Variants in ABHD2 observed in about 807,000 individuals in gnomAD.
The protein encoded by ABHD2 is monoacylglycerol lipase ABHD2.
ABHD2 carries 20 observed loss-of-function variants against 48.1 expected under a neutral mutation model. The observed-to-expected ratio is 0.42, with a 90% CI of 0.29 to 0.60. The LOEUF (loss-of-function observed/expected upper bound fraction) is 0.60. Among genes scored for constraint, ABHD2 ranks in the 20% least tolerant of loss-of-function variants. The probability of loss-of-function intolerance (pLI) is 0.24; values close to 1 mark genes in which losing one functional copy is unlikely to be tolerated. For synonymous variants in ABHD2, 209 were observed against 214.2 expected, an observed-to-expected ratio of 0.98 and a Z score of 0.21; for missense variants, 405 against 550.9, an observed-to-expected ratio of 0.74 and a Z score of 2.65.
At chr15:89,143,502 T>C (rs193143999) in intron 3 of ABHD2, among the ~76,000 whole-genome samples, 1 of 152,142 alleles carries the variant, frequency 6.6e-6, no homozygotes, top group Admixed American at 6.5e-5. Context: ...ACCCCGTCTG[T>C]ACTAAAAATA....
chr15:89,165,908 G>A (rs145638501), intron 5 of ABHD2, among the ~76,000 whole-genome samples: 220 of 152,298 alleles, frequency 1.4e-3, no homozygotes, highest in Middle Eastern at 6.8e-3. Context: ...CTCTTTGGCC[G>A]AGTGCCTTAT....
At chr15:89,089,024 T>TG (rs991199621) in intron 1 of ABHD2, among the ~76,000 whole-genome samples, 1 of 152,136 alleles carries the variant, frequency 6.6e-6, no homozygotes, top group African/African-American at 2.4e-5. Context: ...GCAGGACCAG[T>TG]GGGTTTAAGT....
the ABHD2 span, among the ~76,000 whole-genome samples, chr15:89,048,777 G>A: frequency 1.1e-4 from 17 of 152,060 alleles, no homozygotes; most frequent in Non-Finnish European, 2.4e-4. Flanking sequence ...CTCTGTATTA[G>A]TTATTCTAGT....
intron 6 of ABHD2, chr15:89,183,378 A>AT (rs1201272467): frequency 1.3e-4 from 8 of 59,540 alleles, no homozygotes; most frequent in South Asian, 5.2e-4. Flanking sequence ...CAAAAAAAAA[A>AT]AAAAAAATAT....
intron 3 of ABHD2, among the ~76,000 whole-genome samples, chr15:89,127,728 T>TATATATATATAC (rs1567080129): frequency 1.4e-5 from 2 of 144,632 alleles, no homozygotes; most frequent in African/African-American, 5.3e-5. Flanking sequence ...TACACATATA[T>TATATATATATAC]ATATATATAT....
the ABHD2 span, among the ~76,000 whole-genome samples, chr15:89,068,077 C>T: frequency 2.6e-5 from 4 of 152,062 alleles, no homozygotes. Context: ...GTTTTTCTCC[C>T]CTACAGGACT....
Position 89,155,259 on chromosome 15 carries a change from G to A in ABHD2, c.371-108G>A, listed in dbSNP as rs2150894217. 8.1e-7 allele frequency: 1 copy of A among 1,229,514 alleles called. No homozygotes were observed. Among genetic ancestry groups the A allele is most frequent in the East Asian group, 2.4e-5 (1 of 42,158 alleles). 76.2% of individuals were successfully genotyped at this position (1,229,514 alleles called of 1,614,324 possible). ...TTCCCCAGAGAACTGAGTGAAAGAT[G>A]TATGTTGAATTCCCTCCCCTTGTTT... On this transcript the variant is annotated intron_variant, in intron 4 of 10. Transcript: ENST00000352732. The surrounding 1 kb of genome is among the most constrained non-coding windows in gnomAD (Gnocchi z 4.9).
At chr15:89,096,454 A>T (rs1198361036) in intron 1 of ABHD2, among the ~76,000 whole-genome samples, 3 of 152,248 alleles carry the variant, frequency 2.0e-5, no homozygotes, top group African/African-American at 7.2e-5. Context: ...AACCAGGGGC[A>T]TCTGGCAGGA....
intron 3 of ABHD2, among the ~76,000 whole-genome samples, chr15:89,142,946 T>C (rs1301309452): frequency 6.6e-6 from 1 of 152,208 alleles, no homozygotes; most frequent in East Asian, 1.9e-4. Flanking sequence ...AAAGAATTTT[T>C]CTTTGGGAAA....
chr15:89,069,986 T>C, the ABHD2 span: 2 of 152,110 alleles, frequency 1.3e-5, no homozygotes, highest in Non-Finnish European at 2.9e-5. Context: ...TGCTATTTAC[T>C]CTTGTATCAT....
the ABHD2 span, among the ~76,000 whole-genome samples, chr15:89,063,282 C>G: frequency 6.6e-6 from 1 of 151,246 alleles, no homozygotes; most frequent in East Asian, 1.9e-4. Flanking sequence ...ATTGCTGCTT[C>G]TTGATAGAGT....
At chr15:89,083,865 C>T (rs562806698), upstream of ABHD2, among the ~76,000 whole-genome samples, 1 of 152,312 alleles carries the variant, frequency 6.6e-6, no homozygotes, top group East Asian at 1.9e-4. The surrounding 1 kb of genome is among the most constrained non-coding windows in gnomAD (Gnocchi z 5.1). Context: ...AGCCTCTAAA[C>T]AAACTTCATC....
Position 89,116,551 on chromosome 15 carries a change from C to T in ABHD2, c.194+30C>T, listed in dbSNP as rs994778337. 6.3e-7 allele frequency: 1 copy of T among 1,592,418 alleles called. No individual in the cohort carries two copies. The highest frequency in any genetic ancestry group is 1.3e-5 in the African/African-American group (1 of 74,114). ...GTAGACCTCATGCCCTCTGTATGCT[C>T]AGCTGCTGATGTATTTGGCTTTGTG... On this transcript the variant is annotated intron_variant, in intron 3 of 10. Transcript: ENST00000352732. The surrounding 1 kb of genome is among the most constrained non-coding windows in gnomAD (Gnocchi z 4.6).
rs143763118 is a variant in ABHD2, at chr15:89,144,987, T to C, written c.195-6690T>C. Reference sequence around the variant, plus strand: ...AACAACTCCAGTAGGCCGGGCACAGTGGCTCACACCTGTAATCCCAGCACT... The same window carrying C: ...AACAACTCCAGTAGGCCGGGCACAGCGGCTCACACCTGTAATCCCAGCACT... On this transcript the variant is annotated intron_variant, in intron 3 of 10. Transcript: ENST00000352732. Among the ~76,000 whole-genome samples, 433 of 152,318 alleles carry C rather than the reference T, an allele frequency of 2.8e-3. 3 individuals carry two copies. The highest frequency in any genetic ancestry group is 9.5e-3 in the African/African-American group (394 of 41,586).
chr15:89,132,912 A>G (rs1214453655), intron 3 of ABHD2, among the ~76,000 whole-genome samples: 2 of 152,228 alleles, frequency 1.3e-5, no homozygotes, highest in African/African-American at 4.8e-5. Context: ...CTGTGCCCAC[A>G]TACCGTAGGG....
the ABHD2 span, among the ~76,000 whole-genome samples, chr15:89,041,453 C>T: frequency 1.3e-5 from 2 of 152,338 alleles, no homozygotes; most frequent in Non-Finnish European, 2.9e-5. Flanking sequence ...CATCAGTATT[C>T]ACCCGCCTAA....
chr15:89,180,985 T>C (rs1744619733), intron 6 of ABHD2, among the ~76,000 whole-genome samples: 1 of 152,146 alleles, frequency 6.6e-6, no homozygotes. Context: ...CCCAGCACTT[T>C]GGGAGGCCAA....
At position 89,123,424 on chromosome 15, in the gene ABHD2, T is replaced by C. The variant is rs1339877116; in HGVS notation, c.194+6903T>C. Among the ~76,000 whole-genome samples, 7 of 152,220 alleles carry C rather than the reference T, an allele frequency of 4.6e-5. 1 individual carries two copies. The highest frequency in any genetic ancestry group is 4.6e-4 in the Admixed American group (7 of 15,284). Reference sequence around the variant, plus strand: ...TCCATCAGCCTTGGTTAGTGAGCATTTGAGGATCTACTTCTCTGAGACTCA... The same window carrying C: ...TCCATCAGCCTTGGTTAGTGAGCATCTGAGGATCTACTTCTCTGAGACTCA... On this transcript the variant is annotated intron_variant, in intron 3 of 10. Transcript: ENST00000352732.
chr15:89,142,615 T>C (rs899450938), intron 3 of ABHD2, among the ~76,000 whole-genome samples: 1 of 152,190 alleles, frequency 6.6e-6, no homozygotes, highest in African/African-American at 2.4e-5. Context: ...ACTCTTGCCT[T>C]GTTAAGGAGG....
Sources: allele counts gnomAD v4.1 joint callset (sites outside exome capture counted in the v4.1 genomes callset), GRCh38; gene constraint gnomAD v4.1.1; non-coding constraint Gnocchi (gnomAD v3.1); transcripts MANE v1.5; gene names NCBI Gene and HGNC (gene_info 2026-07-23, HGNC 2026-07-21).